Variants in POMT1 observed in about 807,000 individuals in gnomAD.
The protein encoded by POMT1 is protein O-mannosyltransferase 1.
Under a neutral mutation model 101.6 loss-of-function variants are expected in POMT1, and 85 were observed. That is an observed-to-expected ratio of 0.84 (90% confidence interval 0.70 to 1.00). The LOEUF is 1.00. Among genes scored for constraint, POMT1 ranks in the 50% least tolerant of loss-of-function variants. The pLI, the probability that POMT1 is intolerant of heterozygous loss-of-function variation, is 0.00. For missense variants in POMT1, 857 were observed against 930.4 expected (o/e 0.92, Z 1.03); for synonymous variants, 371 against 383.0 (o/e 0.97, Z 0.37).
chr9:131,509,934 C>T lies in POMT1; in HGVS notation c.637C>T (p.Leu213Phe). ...IKYMGVFTYV[L>F]VLGVAAVHAW... ...GTACATGGGTGTGTTCACGTACGTGCTCGTGCTGGGTGTTGCAGCTGTCCA... is the reference window on the plus strand; with the variant it reads ...GTACATGGGTGTGTTCACGTACGTGTTCGTGCTGGGTGTTGCAGCTGTCCA... Residue 213 changes from leucine to phenylalanine, a missense_variant, in exon 8 of 20, where the codon CTC (leucine) becomes TTC (phenylalanine). Leu to Phe is a conservative substitution (Grantham distance 22). Coordinates refer to ENST00000402686, the MANE Select transcript of POMT1 (RefSeq NM_001077365.2). 6.2e-7 allele frequency: 1 copy of T among 1,614,200 alleles called. No homozygotes were observed.
Position 131,510,380 on chromosome 9 carries a change from C to A in POMT1, c.820C>A (p.Gln274Lys). Reference protein sequence around the residue: ...ILVFRSGPHDQIMSSAFQASL... With the variant: ...ILVFRSGPHDKIMSSAFQASL... ...AGTCTTCCGCTCTGGGCCCCACGAC[C>A]AAATCATGTCCAGTGCCTTCCAGGC... is the stretch of plus-strand genomic sequence containing the variant. The change falls in exon 9 of 20, where the codon CAA (glutamine) becomes AAA (lysine). Residue 274 changes from glutamine (Q) to lysine (K), a missense_variant. Coordinates refer to ENST00000402686, the MANE Select transcript of POMT1 (RefSeq NM_001077365.2). The A allele has an allele frequency of 6.2e-7, 1 of 1,614,154 alleles. No homozygotes were observed. The highest frequency in any genetic ancestry group is 8.5e-7 in the Non-Finnish European group (1 of 1,180,008).
At chr9:131,517,567 C>G (rs1948970335) in intron 13 of POMT1, among the ~76,000 whole-genome samples, 1 of 152,204 alleles carries the variant, frequency 6.6e-6, no homozygotes, top group Non-Finnish European at 1.5e-5. Flanking sequence ...GTGTGAGCCA[C>G]TGCTCCAGAT....
intron 5 of POMT1, among the ~76,000 whole-genome samples, chr9:131,507,767 G>A (rs890547140): frequency 1.3e-5 from 2 of 152,202 alleles, no homozygotes; most frequent in African/African-American, 2.4e-5. Flanking sequence ...CAAAGTCCAT[G>A]CACACGTGGG....
Position 131,519,145 on chromosome 9 carries a change from C to T in POMT1, c.1486+188C>T, listed in dbSNP as rs748628735. ...CAGTAATAACTCAAGACGCTTCTTC[C>T]GAGGTGTCGCTGGAAGGCAACCAGT... On this transcript the variant is annotated intron_variant, in intron 15 of 19. Coordinates refer to ENST00000402686, the MANE Select transcript of POMT1 (RefSeq NM_001077365.2). The surrounding 1 kb of genome is among the most constrained non-coding windows in gnomAD (Gnocchi z 4.3). 6.6e-5 allele frequency among the ~76,000 whole-genome samples: 10 copies of T among 152,178 alleles called. No individual in the cohort carries two copies. Among genetic ancestry groups the T allele is most frequent in the Admixed American group, 2.6e-4 (4 of 15,282 alleles).
chr9:131,521,426 G>C lies in POMT1; in HGVS notation c.1779G>C (p.Leu593Phe), dbSNP rs764027446. 1 of 1,614,146 alleles carries C rather than the reference G, an allele frequency of 6.2e-7. No homozygotes were observed. Among genetic ancestry groups the C allele is most frequent in the East Asian group, 2.2e-5 (1 of 44,882 alleles). ...TGGCCATCTACGCCCTGCTGTCCTT[G>C]TGGTACCTGCTCCGACGGCGAAGAA... Reference protein sequence around the residue: ...LALAIYALLSLWYLLRRRRNV... With the variant: ...LALAIYALLSFWYLLRRRRNV... Residue 593 changes from leucine to phenylalanine, a missense_variant, in exon 18 of 20, where the codon TTG (leucine) becomes TTC (phenylalanine). Transcript: ENST00000402686.
In POMT1 at chr9:131,519,423, C is replaced by T. The variant is rs974964789; in HGVS notation, c.1521C>T (p.His507=). The T allele has an allele frequency of 5.8e-6, 9 of 1,552,092 alleles. No individual in the cohort carries two copies. Among genetic ancestry groups the T allele is most frequent in the Admixed American group, 3.9e-5 (2 of 51,018 alleles). Residue 507 remains histidine (H), a synonymous_variant, in exon 16 of 20, where the codon CAC becomes CAT. Coordinates refer to ENST00000402686, the MANE Select transcript of POMT1 (RefSeq NM_001077365.2). The surrounding 1 kb of genome is among the most constrained non-coding windows in gnomAD (Gnocchi z 4.3). The part of the protein sequence containing the change: ...QEQREREREL[H]SPAQVDVSRN... ...AGAGGGAGCGGGAACGGGAGCTGCA[C>T]TCACCTGCGCAGGTGGACGTCAGCA... is the stretch of plus-strand genomic sequence containing the variant.
rs1950057099 is a variant in POMT1 at position 131,522,125 on chromosome 9, T to C, written c.1904T>C (p.Met635Thr). The change falls in exon 19 of 20, where the codon ATG (methionine) becomes ACG (threonine). Residue 635 changes from methionine (M) to threonine (T), a missense_variant. Coordinates refer to ENST00000402686, the MANE Select transcript of POMT1 (RefSeq NM_001077365.2). The surrounding 1 kb of genome is among the most constrained non-coding windows in gnomAD (Gnocchi z 5.5). ...WAVNYLPFFL[M>T]EKTLFLYHYL... ...GTGAACTACCTCCCGTTCTTCCTGA[T>C]GGAGAAGACACTCTTCCTCTACCAC... 1 of 1,613,966 alleles carries C rather than the reference T, an allele frequency of 6.2e-7. No homozygotes were observed. The highest frequency in any genetic ancestry group is 1.7e-5 in the Admixed American group (1 of 60,002).
At chr9:131,506,654 C>A in intron 4 of POMT1, 1 of 622,600 alleles carries the variant, frequency 1.6e-6, no homozygotes, top group South Asian at 1.9e-5. Flanking sequence ...TGGTTAAAAT[C>A]TTACTGTTCA....
In POMT1 at chr9:131,504,204, C is replaced by T. The variant is rs575752778; in HGVS notation, c.-15C>T. The T allele has an allele frequency of 1.2e-5, 20 of 1,613,956 alleles. No individual in the cohort carries two copies. The highest frequency in any genetic ancestry group is 1.7e-5 in the Non-Finnish European group (20 of 1,179,976). ...TCTTTTCTAGGGCGTCTGCCTGAGC[C>T]CGCTTTTCTACAAGATGTGGGGATT... is the stretch of plus-strand genomic sequence containing the variant. On this transcript the variant is annotated 5_prime_UTR_variant, in exon 2 of 20. Transcript: ENST00000402686.
chr9:131,521,544 G>A, intron 18 of POMT1, 72 bp downstream of exon 18: 1 of 1,538,172 alleles, frequency 6.5e-7, no homozygotes, highest in Non-Finnish European at 9.0e-7. Flanking sequence ...TGTCCAGGGT[G>A]TTCTTGAACT....
Sources: gnomAD v4.1 joint callset for allele counts (sites outside exome capture counted in the v4.1 genomes callset) on GRCh38, gnomAD v4.1.1 for gene constraint, Gnocchi (gnomAD v3.1) non-coding constraint, MANE v1.5 for transcripts, NCBI Gene and HGNC (gene_info 2026-07-23, HGNC 2026-07-21) for gene names.